The following ZNF469 variants were observed in gnomAD, a reference collection of about 807,000 sequenced individuals.
ZNF469 encodes the protein zinc finger protein 469.
Under a neutral mutation model 1.0 loss-of-function variants are expected in ZNF469, and 1 was observed. The ratio of observed to expected loss-of-function variants is 1.00; its 90% CI spans 0.35 to 4.73. ZNF469 has a LOEUF of 4.73. Ranked by LOEUF, ZNF469 falls within the 30% of genes most tolerant of loss-of-function variation. The pLI is 0.16. For missense variants in ZNF469, 6,100 were observed against 5,356.3 expected (o/e 1.14, Z -4.33); for synonymous variants, 2,703 against 2,363.4 (o/e 1.14, Z -4.17).
intron 1 of ZNF469, among the ~76,000 whole-genome samples, chr16:88,412,707 C>T (rs1217103484): frequency 6.6e-6 from 1 of 152,130 alleles, no homozygotes; most frequent in East Asian, 1.9e-4. Context: ...AGTGGGTGAA[C>T]GGGGGACCTC....
At chr16:88,322,906 G>A in the ZNF469 span, among the ~76,000 whole-genome samples, 43 of 121,108 alleles carry the variant, frequency 3.6e-4, no homozygotes, top group African/African-American at 1.1e-3. Context: ...GCAAGGAGAC[G>A]AGCTCAGGAA....
At chr16:88,391,913 A>G (rs1246212045) in intron 1 of ZNF469, among the ~76,000 whole-genome samples, 1 of 152,244 alleles carries the variant, frequency 6.6e-6, no homozygotes, top group African/African-American at 2.4e-5. Context: ...ATACAACATA[A>G]TGTAATAAAG....
the ZNF469 span, among the ~76,000 whole-genome samples, chr16:88,166,324 A>G: frequency 6.6e-6 from 1 of 151,994 alleles, no homozygotes; most frequent in South Asian, 2.1e-4. The surrounding 1 kb of genome is among the most constrained non-coding windows in gnomAD (Gnocchi z 4.5). Context: ...TTTTGGATCC[A>G]TTTCAGAAAA....
At chr16:88,402,905 C>T (rs889594808) in intron 1 of ZNF469, among the ~76,000 whole-genome samples, 35 of 152,300 alleles carry the variant, frequency 2.3e-4, no homozygotes, top group African/African-American at 8.2e-4. Flanking sequence ...CTGGGCTCTG[C>T]TGACTCTTTC....
the ZNF469 span, among the ~76,000 whole-genome samples, chr16:88,341,183 C>T: frequency 6.6e-6 from 1 of 152,204 alleles, no homozygotes; most frequent in Non-Finnish European, 1.5e-5. Flanking sequence ...TGTGTAGAAG[C>T]CCTTCTTAGC....
At chr16:88,115,533 C>A in the ZNF469 span, among the ~76,000 whole-genome samples, 1 of 151,830 alleles carries the variant, frequency 6.6e-6, no homozygotes, top group African/African-American at 2.4e-5. Context: ...ATGGGCTCCG[C>A]TAAAAATATG....
Position 88,436,836 on chromosome 16 carries a change from G to A in ZNF469, c.9366G>A (p.Gln3122=). The A allele has an allele frequency of 6.5e-7, 1 of 1,535,390 alleles. No homozygotes were observed. ...CCTACAAGTGCAAAGTGTGCTTCCA[G>A]CGCTTCCGCAGCCTGGGCGAGCTGG... The part of the protein sequence containing the change: ...RASYKCKVCF[Q]RFRSLGELDL... Residue 3122 remains glutamine (Q), a synonymous_variant, in exon 3 of 3, where the codon CAG becomes CAA. Transcript: ENST00000565624.
At chr16:88,130,832 CG>C in the ZNF469 span, among the ~76,000 whole-genome samples, 1 of 152,286 alleles carries the variant, frequency 6.6e-6, no homozygotes. Context: ...AGCGCAGCAC[CG>C]GCGCTGGGAA....
At chr16:88,208,704 G>T in the ZNF469 span, among the ~76,000 whole-genome samples, 1 of 149,286 alleles carries the variant, frequency 6.7e-6, no homozygotes, top group South Asian at 2.1e-4. Context: ...GCACAGATAA[G>T]ACAAGATAGG....
chr16:88,436,236 TGAGGACCCGTGGGAGGAC>T lies in ZNF469; in HGVS notation c.8772_8789del (p.Trp2926_Pro2931del). The T allele has an allele frequency of 1.3e-6, 2 of 1,549,504 alleles. No individual in the cohort carries two copies. The highest frequency in any genetic ancestry group is 1.7e-6 in the Non-Finnish European group (2 of 1,146,868). ...ACTCCAGCTCCCTCTGCCTCTGCCA[TGAGGACCCGTGGGAGGAC>T]GAGGATCCCGCAGGTCTGCCCGAGT... On this transcript the variant is annotated inframe_deletion, in exon 3 of 3. Transcript: ENST00000565624.
At chr16:88,225,399 T>G in the ZNF469 span, among the ~76,000 whole-genome samples, 1 of 152,230 alleles carries the variant, frequency 6.6e-6, no homozygotes, top group African/African-American at 2.4e-5. Flanking sequence ...CGAGGCATTT[T>G]GAAGGAGGCT....
intron 1 of ZNF469, among the ~76,000 whole-genome samples, chr16:88,403,766 T>C (rs1036010546): frequency 3.9e-5 from 6 of 152,226 alleles, no homozygotes; most frequent in East Asian, 3.8e-4. Flanking sequence ...CCACAAAGCA[T>C]CCTCCATCCT....
At chr16:88,265,108 G>A in the ZNF469 span, among the ~76,000 whole-genome samples, 33 of 152,238 alleles carry the variant, frequency 2.2e-4, no homozygotes, top group African/African-American at 7.9e-4. Context: ...CATCCTGTCA[G>A]GGACACCTCA....
chr16:88,429,479 CT>C lies in ZNF469; in HGVS notation c.2013del (p.Ala673GlnfsTer59). 1 of 1,550,104 alleles carries C rather than the reference CT, an allele frequency of 6.5e-7. No individual in the cohort carries two copies. The highest frequency in any genetic ancestry group is 8.7e-7 in the Non-Finnish European group (1 of 1,146,842). Reference protein sequence around the residue: ...HYQPEPAKAFPFPADGLGAEG... With the variant: ...HYQPEPAKAFXFPADGLGAEG... ...CAGCCAGAGCCAGCCAAGGCCTTCC[CT>C]TTTCCCGCAGATGGGCTGGGAGCCG... On this transcript the variant is annotated frameshift_variant, in exon 3 of 3. Transcript: ENST00000565624. LOFTEE classifies it low-confidence loss of function (END_TRUNC).
the ZNF469 span, among the ~76,000 whole-genome samples, chr16:88,346,427 T>C: frequency 6.7e-6 from 1 of 149,574 alleles, no homozygotes; most frequent in African/African-American, 2.4e-5. Context: ...CTCCCAGCCC[T>C]GGCCTGGACC....
chr16:88,184,166 C>T, the ZNF469 span, among the ~76,000 whole-genome samples: 1 of 152,056 alleles, frequency 6.6e-6, no homozygotes, highest in Non-Finnish European at 1.5e-5. Context: ...CCAGGGAGAG[C>T]CTCACGTGGC....
chr16:88,259,614 C>A, the ZNF469 span, among the ~76,000 whole-genome samples: 1 of 152,150 alleles, frequency 6.6e-6, no homozygotes, highest in African/African-American at 2.4e-5. The surrounding 1 kb of genome is among the most constrained non-coding windows in gnomAD (Gnocchi z 4.1). Flanking sequence ...CCTATGAGCC[C>A]CAGGATCTCC....
the ZNF469 span, among the ~76,000 whole-genome samples, chr16:88,237,107 C>T: frequency 6.7e-6 from 1 of 148,886 alleles, no homozygotes; most frequent in African/African-American, 2.5e-5. Context: ...TACAGTATCA[C>T]AGAGCAGCTT....
the ZNF469 span, among the ~76,000 whole-genome samples, chr16:88,325,977 G>A: frequency 6.6e-6 from 1 of 152,228 alleles, no homozygotes; most frequent in Non-Finnish European, 1.5e-5. Context: ...GTCAGTCCAG[G>A]GGTGGCCACT....
Sources: allele counts gnomAD v4.1 joint callset (sites outside exome capture counted in the v4.1 genomes callset), GRCh38; gene constraint gnomAD v4.1.1; non-coding constraint Gnocchi (gnomAD v3.1); transcripts MANE v1.5; gene names NCBI Gene and HGNC (gene_info 2026-07-23, HGNC 2026-07-21).